Variants in INO80E observed in about 807,000 individuals in gnomAD.
INO80E encodes the protein INO80 complex subunit E, also known as coiled-coil domain containing 95.
Under a neutral mutation model 27.3 loss-of-function variants are expected in INO80E, and 20 were observed. That is an observed-to-expected ratio of 0.73 (90% confidence interval 0.51 to 1.06). INO80E has a LOEUF of 1.06. Ranked by LOEUF, INO80E falls within the 50% of genes least tolerant of loss-of-function variation. The pLI, the probability that INO80E is intolerant of heterozygous loss-of-function variation, is 0.00. For missense variants in INO80E, 357 were observed against 322.8 expected (o/e 1.11, Z -0.81); for synonymous variants, 167 against 145.9 (o/e 1.14, Z -1.04).
In INO80E at chr16:30,005,662, A is replaced by C; in HGVS notation, c.*220A>C. ...CCCCCTCCAGGGGACAGTTATTTAA[A>C]CGAGTGGCCGGGAGCATCTGCCACC... On this transcript the variant is annotated 3_prime_UTR_variant, in exon 7 of 7. Coordinates refer to ENST00000563197, the MANE Select transcript of INO80E (RefSeq NM_173618.3). The C allele has an allele frequency of 1.8e-6, 1 of 558,790 alleles. No individual in the cohort carries two copies. Among genetic ancestry groups the C allele is most frequent in the Non-Finnish European group, 3.1e-6 (1 of 320,598 alleles). 34.6% of individuals were successfully genotyped at this position (558,790 alleles called of 1,614,324 possible).
In INO80E at chr16:30,005,779, G is replaced by C. The variant is rs1324724244; in HGVS notation, c.*337G>C. 5 of 471,650 alleles carry C rather than the reference G, an allele frequency of 1.1e-5. No individual in the cohort carries two copies. The East Asian group carries it at 2.1e-4, about 19-fold the overall frequency. 29.2% of individuals were successfully genotyped at this position (471,650 alleles called of 1,614,324 possible). On this transcript the variant is annotated 3_prime_UTR_variant, in exon 7 of 7. Transcript: ENST00000563197. ...TTTCAATGAAGTTTCTGTATTAAAG[G>C]AGTGGCTCTGGGTTTGTTTTTTGTC...
Position 30,000,952 on chromosome 16 carries a change from G to A in INO80E, c.308G>A (p.Gly103Asp). ...AGGAAGAGAAGCCCTCCGCTGGGGG[G>A]CGCCCCCTCTCCCTCCAGCCTCTCC... ...PKRKRSPPLG[G>D]APSPSSLSLP... Residue 103 changes from glycine (G) to aspartate (D), a missense_variant, in exon 5 of 7, where the codon GGC becomes GAC. Coordinates refer to ENST00000563197, the MANE Select transcript of INO80E (RefSeq NM_173618.3). 2 of 1,583,922 alleles carry A rather than the reference G, an allele frequency of 1.3e-6. No homozygotes were observed. Among genetic ancestry groups the A allele is most frequent in the South Asian group, 1.1e-5 (1 of 87,562 alleles).
At position 30,005,354 on chromosome 16, in the gene INO80E, C is replaced by G. The variant is rs201639145; in HGVS notation, c.647C>G (p.Thr216Arg). 2.2e-6 allele frequency: 3 copies of G among 1,334,536 alleles called. No homozygotes were observed. Among genetic ancestry groups the G allele is most frequent in the Non-Finnish European group, 2.9e-6 (3 of 1,019,390 alleles). The allele number at this position is 1,334,536 out of a possible 1,614,324, so 82.7% of individuals were successfully genotyped here. Residue 216 changes from threonine to arginine, a missense_variant, in exon 7 of 7, where the codon ACG becomes AGG. Coordinates refer to ENST00000563197, the MANE Select transcript of INO80E (RefSeq NM_173618.3). ...PKMPPPTILS[T>R]VPRQMFSDAG... Reference sequence around the variant, plus strand: ...ATGCCCCCCCCCACGATCCTGAGCACGGTCCCTCGGCAGATGTTCAGCGAT... The same window carrying G: ...ATGCCCCCCCCCACGATCCTGAGCAGGGTCCCTCGGCAGATGTTCAGCGAT...
In INO80E at chr16:30,000,749, C is replaced by G; in HGVS notation, c.206-9C>G. The G allele has an allele frequency of 6.2e-7, 1 of 1,613,392 alleles. No homozygotes were observed. Among genetic ancestry groups the G allele is most frequent in the Non-Finnish European group, 8.5e-7 (1 of 1,179,332 alleles). On this transcript the variant is annotated splice_polypyrimidine_tract_variant and intron_variant, in intron 3 of 6. Coordinates refer to ENST00000563197, the MANE Select transcript of INO80E (RefSeq NM_173618.3). ...CCCCATCCCCACTGACCAGCTGTCC[C>G]CATCACAGACTCAGATGCCACTGCA...
chr16:30,004,525 A>AGGCC, intron 6 of INO80E: 1 of 153,186 alleles, frequency 6.5e-6, no homozygotes, highest in East Asian at 1.9e-4. Flanking sequence ...TCCCGCCCCG[A>AGGCC]GGCCCCGAGT....
rs139032571 is a variant in INO80E, at chr16:30,000,503, A to G, written c.206-255A>G. On this transcript the variant is annotated intron_variant, in intron 3 of 6. Transcript: ENST00000563197. ...CTCAGCCTCCTGAGTAGCTGGGACT[A>G]CAAGCACACGCCACCATGCTCGGAT... Among the ~76,000 whole-genome samples, 37 of 152,280 alleles carry G rather than the reference A, an allele frequency of 2.4e-4. 1 individual carries two copies. In the East Asian group the frequency reaches 6.0e-3, roughly 25 times the overall value.
Position 30,000,944 on chromosome 16 carries a change from G to C in INO80E, c.300G>C (p.Pro100=), listed in dbSNP as rs781420766. The C allele has an allele frequency of 5.0e-6, 8 of 1,588,496 alleles. No homozygotes were observed. In the South Asian group the frequency reaches 9.1e-5, roughly 18 times the overall value. ...TPAPKRKRSP[P]LGGAPSPSSL... is the part of the protein sequence containing the mutation. ...CTTTCTCCAGGAAGAGAAGCCCTCCGCTGGGGGGCGCCCCCTCTCCCTCCA... is the reference window on the plus strand; with the variant it reads ...CTTTCTCCAGGAAGAGAAGCCCTCCCCTGGGGGGCGCCCCCTCTCCCTCCA... Residue 100 remains proline, a synonymous_variant, in exon 5 of 7, where the codon CCG becomes CCC. Transcript: ENST00000563197.
intron 6 of INO80E, among the ~76,000 whole-genome samples, chr16:30,004,919 C>T (rs1286171474): frequency 2.0e-5 from 3 of 152,176 alleles, no homozygotes; most frequent in Non-Finnish European, 2.9e-5. Flanking sequence ...CTGGCTTAAC[C>T]CCTGTCTCAG....
chr16:30,005,772 A>AT lies in INO80E; in HGVS notation c.*332dup. 1.5e-5 allele frequency: 7 copies of AT among 470,018 alleles called. No homozygotes were observed. The highest frequency in any genetic ancestry group is 5.6e-4 in the Middle Eastern group (1 of 1,790). The allele number at this position is 470,018 out of a possible 1,614,324, so 29.1% of individuals were successfully genotyped here. ...TAGGTTTTTTCAATGAAGTTTCTGT[A>AT]TTAAAGGAGTGGCTCTGGGTTTGTT... On this transcript the variant is annotated 3_prime_UTR_variant, in exon 7 of 7. Coordinates refer to ENST00000563197, the MANE Select transcript of INO80E (RefSeq NM_173618.3).
At chr16:30,001,180 G>A (rs887473362) in intron 5 of INO80E, 140 bp downstream of exon 5, 1 of 1,473,196 alleles carries the variant, frequency 6.8e-7, no homozygotes, top group Non-Finnish European at 9.0e-7. Context: ...TGGAGGGTGT[G>A]AGTCGGGGCT....
intron 3 of INO80E, 51 bp from the exon 4 acceptor site, chr16:30,000,707 G>A (rs2070314647): frequency 1.3e-6 from 2 of 1,489,300 alleles, no homozygotes; most frequent in South Asian, 2.3e-5. Flanking sequence ...ATACCTTTCT[G>A]GGATGGACTG....
intron 3 of INO80E, 33 bp downstream of exon 3, chr16:29,996,893 A>T (rs760489989): frequency 1.2e-6 from 2 of 1,608,170 alleles, no homozygotes; most frequent in Non-Finnish European, 1.7e-6. Context: ...GGTGGAGAGC[A>T]TGGTTCCTGG....
rs78807581 is a variant in INO80E at position 30,003,654 on chromosome 16, G to T, written c.514-1567G>T. The T allele has an allele frequency of 0.013, 2,024 of 152,302 alleles. 20 individuals are homozygous for T. The highest frequency in any genetic ancestry group is 0.031 in the Middle Eastern group (9 of 294). 9.4% of individuals were successfully genotyped at this position (152,302 alleles called of 1,614,324 possible). A position where few individuals can be genotyped will look rare whatever the true frequency, so the allele number is the denominator to read the frequency against. Reference sequence around the variant, plus strand: ...CAGCTCTCTTTCTCCATTCAGTGGCGGCATTGTGCGGAGAATGTGAGTGAA... The same window carrying T: ...CAGCTCTCTTTCTCCATTCAGTGGCTGCATTGTGCGGAGAATGTGAGTGAA... On this transcript the variant is annotated intron_variant, in intron 6 of 6. Coordinates refer to ENST00000563197, the MANE Select transcript of INO80E (RefSeq NM_173618.3). The surrounding 1 kb of genome is among the most constrained non-coding windows in gnomAD (Gnocchi z 4.4).
In INO80E at chr16:30,005,618, C is replaced by A; in HGVS notation, c.*176C>A. The A allele has an allele frequency of 1.5e-6, 1 of 658,454 alleles. No individual in the cohort carries two copies. 40.8% of individuals were successfully genotyped at this position (658,454 alleles called of 1,614,324 possible). A position where few individuals can be genotyped will look rare whatever the true frequency, so the allele number is the denominator to read the frequency against. Reference sequence around the variant, plus strand: ...GTGTCCCCCAGGAGGGTGGCAGGGGCCCTGCCTTCAAACCCCGGCCCCCTC... The same window carrying A: ...GTGTCCCCCAGGAGGGTGGCAGGGGACCTGCCTTCAAACCCCGGCCCCCTC... On this transcript the variant is annotated 3_prime_UTR_variant, in exon 7 of 7. Transcript: ENST00000563197.
intron 6 of INO80E, chr16:30,001,789 C>A: frequency 2.2e-6 from 1 of 462,384 alleles, no homozygotes; most frequent in Non-Finnish European, 3.9e-6. Context: ...TGTAGCGGGG[C>A]CAGGCTCATT....
At chr16:29,998,863 G>A (rs2150926594) in intron 3 of INO80E, among the ~76,000 whole-genome samples, 1 of 152,324 alleles carries the variant, frequency 6.6e-6, no homozygotes, top group South Asian at 2.1e-4. Flanking sequence ...GGCTAACATG[G>A]TGAAACCCCG....
rs1409503326 is a variant in INO80E, at chr16:30,005,434, C to G, written c.727C>G (p.Pro243Ala). Residue 243 changes from proline (P) to alanine (A), a missense_variant, in exon 7 of 7, where the codon CCG becomes GCG. Transcript: ENST00000563197. ...DGDDDLVIDI[P>A]E is the part of the protein sequence containing the mutation. ...AGACGATGACCTGGTGATCGACATC[C>G]CGGAGTGACCGTGACATCACGCCAT... 11 of 1,597,236 alleles carry G rather than the reference C, an allele frequency of 6.9e-6. No individual in the cohort carries two copies. The highest frequency in any genetic ancestry group is 8.5e-6 in the Non-Finnish European group (10 of 1,172,616).
chr16:30,001,269 C>T lies in INO80E; in HGVS notation c.397-145C>T. ...GCCCAGGACAGCATCCTGCTGCTGC[C>T]CGGCCCTTCTGTGCTCGGGAGCCCC... is the stretch of plus-strand genomic sequence containing the variant. On this transcript the variant is annotated intron_variant, in intron 5 of 6. Transcript: ENST00000563197. 4 of 1,490,258 alleles carry T rather than the reference C, an allele frequency of 2.7e-6. No individual in the cohort carries two copies. In the South Asian group the frequency reaches 5.4e-5, roughly 20 times the overall value. The allele number at this position is 1,490,258 out of a possible 1,614,324, so 92.3% of individuals were successfully genotyped here.
rs778081216 is a variant in INO80E, at chr16:29,996,249, C to T, written c.-62C>T. ...TCTCCGGAAGTGGAGGCGGGAGCGG[C>T]ACGGCAGCCACTGCTTGGGGTAGCG... is the stretch of plus-strand genomic sequence containing the variant. On this transcript the variant is annotated 5_prime_UTR_variant, in exon 1 of 7. Transcript: ENST00000563197. The T allele has an allele frequency of 2.0e-5, 30 of 1,483,454 alleles. No individual in the cohort carries two copies. The highest frequency in any genetic ancestry group is 2.4e-5 in the Non-Finnish European group (26 of 1,087,170). 91.9% of individuals were successfully genotyped at this position (1,483,454 alleles called of 1,614,324 possible).
Sources: gnomAD v4.1 joint callset for allele counts (sites outside exome capture counted in the v4.1 genomes callset) on GRCh38, gnomAD v4.1.1 for gene constraint, Gnocchi (gnomAD v3.1) non-coding constraint, MANE v1.5 for transcripts, NCBI Gene and HGNC (gene_info 2026-07-23, HGNC 2026-07-21) for gene names.